The following ASTN2 variants were observed in gnomAD, a reference collection of about 807,000 sequenced individuals.
ASTN2 encodes the protein astrotactin-2.
Under a neutral mutation model 139.8 loss-of-function variants are expected in ASTN2, and 54 were observed. The observed-to-expected ratio is 0.39, with a 90% CI of 0.31 to 0.48. The LOEUF (loss-of-function observed/expected upper bound fraction) is 0.48, where lower values mean the gene tolerates loss of function less well. Among genes scored for constraint, ASTN2 ranks in the 20% least tolerant of loss-of-function variants. The pLI is 0.95. For synonymous variants in ASTN2, 756 were observed against 719.5 expected, an observed-to-expected ratio of 1.05 and a Z score of -0.81; for missense variants, 1,565 against 1,725.1, an observed-to-expected ratio of 0.91 and a Z score of 1.64.
chr9:117,170,078 T>A (rs1830756594), intron 3 of ASTN2, among the ~76,000 whole-genome samples: 1 of 152,166 alleles, frequency 6.6e-6, no homozygotes. Context: ...AAGGTCATTG[T>A]GAGGACTAAA....
intron 6 of ASTN2, among the ~76,000 whole-genome samples, chr9:117,013,012 C>A (rs956820907): frequency 6.6e-6 from 1 of 152,176 alleles, no homozygotes; most frequent in African/African-American, 2.4e-5. Context: ...TGACTGTCTG[C>A]TCCCCTCCCC....
chr9:117,232,402 C>T (rs1445603670), intron 2 of ASTN2, among the ~76,000 whole-genome samples: 2 of 152,120 alleles, frequency 1.3e-5, no homozygotes. Flanking sequence ...TAACTCTTTC[C>T]CTTCATTGCT....
rs149354595 is a variant in ASTN2 at position 117,380,010 on chromosome 9, A to T, written c.442+34487T>A. 1.9e-3 allele frequency among the ~76,000 whole-genome samples: 283 copies of T among 152,294 alleles called. 2 individuals carry two copies. The highest frequency in any genetic ancestry group is 6.2e-3 in the African/African-American group (258 of 41,562). On this transcript the variant is annotated intron_variant, in intron 1 of 22. Transcript: ENST00000313400. ...AAGAATCAAGGCAAGAATCAGGAGA[A>T]AAACATGAGACACTAATGTGAAAGG...
intron 16 of ASTN2, among the ~76,000 whole-genome samples, chr9:116,666,690 A>G (rs1858882288): frequency 6.6e-6 from 1 of 152,032 alleles, no homozygotes; most frequent in East Asian, 1.9e-4. Flanking sequence ...AAAAGGGGTT[A>G]TAGTCTTCAA....
intron 4 of ASTN2, among the ~76,000 whole-genome samples, chr9:117,136,490 C>A (rs907371808): frequency 6.6e-6 from 1 of 152,198 alleles, no homozygotes; most frequent in African/African-American, 2.4e-5. Context: ...AGTTCATTTT[C>A]ATATGCCTTT....
intron 19 of ASTN2, among the ~76,000 whole-genome samples, chr9:116,564,049 T>C (rs1853060442): frequency 6.6e-6 from 1 of 152,220 alleles, no homozygotes; most frequent in Non-Finnish European, 1.5e-5. Context: ...TAGTTTAAGA[T>C]TGATATTTTG....
rs140621765 is a variant in ASTN2 at position 116,905,848 on chromosome 9, C to A, written c.1890-42115G>T. On this transcript the variant is annotated intron_variant, in intron 10 of 22. Coordinates refer to ENST00000313400, the MANE Select transcript of ASTN2 (RefSeq NM_001365068.1). The stretch of plus-strand genomic sequence containing the variant: ...ACAGGGAAGCACAGCAGTAAGTGAT[C>A]CCTGTTTTTTTTTTTTTTGGGGGGG... 2.3e-3 allele frequency among the ~76,000 whole-genome samples: 272 copies of A among 117,288 alleles called. 3 individuals are homozygous for A. The highest frequency in any genetic ancestry group is 6.7e-3 in the African/African-American group (183 of 27,442). 76.9% of individuals were successfully genotyped at this position (117,288 alleles called of 152,430 possible). A position where few individuals can be genotyped will look rare whatever the true frequency, so the allele number is the denominator to read the frequency against.
At position 116,425,764 on chromosome 9, in the gene ASTN2, C is replaced by T. The variant is rs990912012; in HGVS notation, c.*87G>A. 6.2e-7 allele frequency: 1 copy of T among 1,605,386 alleles called. No individual in the cohort carries two copies. The highest frequency in any genetic ancestry group is 8.5e-7 in the Non-Finnish European group (1 of 1,175,184). On this transcript the variant is annotated 3_prime_UTR_variant, in exon 23 of 23. Transcript: ENST00000313400. ...TGCTAGGCCCATCCTCAGCTGTCCC[C>T]CAGCCCACCCAGGCCCCAGGATCCA...
At position 117,290,459 on chromosome 9, in the gene ASTN2, G is replaced by A. The variant is rs76737240; in HGVS notation, c.630+867C>T. Among the ~76,000 whole-genome samples the A allele has an allele frequency of 1.2e-4, 19 of 152,256 alleles. No homozygotes were observed. In the East Asian group the frequency reaches 3.5e-3, roughly 28 times the overall value. ...TGATTCCAGCCCTAGTAACCTTCTG[G>A]GTGGAGGCAGCAGACTCAGAGTTCT... On this transcript the variant is annotated intron_variant, in intron 2 of 22. Coordinates refer to ENST00000313400, the MANE Select transcript of ASTN2 (RefSeq NM_001365068.1).
intron 10 of ASTN2, among the ~76,000 whole-genome samples, chr9:116,939,993 C>G (rs1466224653): frequency 6.6e-6 from 1 of 152,200 alleles, no homozygotes; most frequent in Non-Finnish European, 1.5e-5. Context: ...AAGCCTACCA[C>G]ACTCTCTGTT....
intron 20 of ASTN2, among the ~76,000 whole-genome samples, chr9:116,476,241 G>A (rs1434765018): frequency 2.6e-5 from 4 of 152,140 alleles, no homozygotes; most frequent in Non-Finnish European, 4.4e-5. Flanking sequence ...TTCTCAGAGC[G>A]GCATCAGTCA....
At chr9:116,844,689 A>C (rs1273334814) in intron 11 of ASTN2, among the ~76,000 whole-genome samples, 1 of 152,132 alleles carries the variant, frequency 6.6e-6, no homozygotes, top group African/African-American at 2.4e-5. Flanking sequence ...AAAAGTTGCT[A>C]TTATGATTAT....
rs1458214989 is a variant in ASTN2, at chr9:116,440,699, G to A, written c.3692C>T (p.Ser1231Leu). 19 of 1,614,044 alleles carry A rather than the reference G, an allele frequency of 1.2e-5. No homozygotes were observed. Among genetic ancestry groups the A allele is most frequent in the East Asian group, 4.5e-5 (2 of 44,880 alleles). ...AYNTLMEVSA[S>L]MLFRVQHHYN... ...GTGGTGCTGGACTCGGAACAGCATC[G>A]AGGCTGAGACCTCCATCAGTGTGTT... The change falls in exon 22 of 23, where the codon TCG (serine) becomes TTG (leucine). Residue 1231 changes from serine (S) to leucine (L), a missense_variant. Transcript: ENST00000313400.
At chr9:116,564,521 T>C (rs1011777358) in intron 19 of ASTN2, among the ~76,000 whole-genome samples, 3 of 152,236 alleles carry the variant, frequency 2.0e-5, no homozygotes, top group Non-Finnish European at 4.4e-5. Context: ...AAGGCCATCG[T>C]TACTTGCAGT....
chr9:116,829,722 C>T (rs1336699684), intron 11 of ASTN2, among the ~76,000 whole-genome samples: 1 of 152,138 alleles, frequency 6.6e-6, no homozygotes, highest in Non-Finnish European at 1.5e-5. Flanking sequence ...TCCTACCAAG[C>T]CCCTCCTCCA....
intron 1 of ASTN2, among the ~76,000 whole-genome samples, chr9:117,338,225 T>A (rs1440705989): frequency 6.6e-6 from 1 of 152,106 alleles, no homozygotes; most frequent in African/African-American, 2.4e-5. Flanking sequence ...TCTACTCAAA[T>A]TACTATTCAG....
chr9:116,896,893 G>A (rs946956943), intron 10 of ASTN2, among the ~76,000 whole-genome samples: 1 of 152,186 alleles, frequency 6.6e-6, no homozygotes, highest in African/African-American at 2.4e-5. Flanking sequence ...AATTCGAGAT[G>A]AGATTTGCGT....
intron 19 of ASTN2, among the ~76,000 whole-genome samples, chr9:116,534,792 A>G (rs1277636428): frequency 6.6e-6 from 1 of 152,128 alleles, no homozygotes; most frequent in African/African-American, 2.4e-5. Context: ...TATGTGGTCA[A>G]TTTTGGAATA....
At chr9:116,493,944 T>C (rs1849597208) in intron 19 of ASTN2, among the ~76,000 whole-genome samples, 1 of 152,116 alleles carries the variant, frequency 6.6e-6, no homozygotes, top group Non-Finnish European at 1.5e-5. Context: ...AGATGCTCTT[T>C]GTCATGGTGC....
Sources: gnomAD v4.1 joint callset for allele counts (sites outside exome capture counted in the v4.1 genomes callset) on GRCh38, gnomAD v4.1.1 for gene constraint, MANE v1.5 for transcripts, NCBI Gene and HGNC (gene_info 2026-07-23, HGNC 2026-07-21) for gene names.